The following MGRN1 variants were observed in gnomAD, a reference collection of about 807,000 sequenced individuals.
MGRN1 encodes the protein E3 ubiquitin-protein ligase MGRN1.
In MGRN1, 29 loss-of-function variants were observed where a neutral mutation model predicts 69.2. The observed-to-expected ratio is 0.42, with a 90% CI of 0.31 to 0.57. MGRN1 has a LOEUF of 0.57. Ranked by LOEUF, MGRN1 falls within the 20% of genes least tolerant of loss-of-function variation. The probability of loss-of-function intolerance (pLI) is 0.15; values close to 1 mark genes in which losing one functional copy is unlikely to be tolerated. For synonymous variants in MGRN1, 470 were observed against 344.2 expected (o/e 1.37, Z -4.04); for missense variants, 998 against 796.2 (o/e 1.25, Z -3.05).
chr16:4,652,935 C>T (rs1188496330), intron 4 of MGRN1, 111 bp downstream of exon 4: 78 of 1,345,200 alleles, frequency 5.8e-5, no homozygotes, highest in Non-Finnish European at 7.6e-5. Context: ...TGCTCTTTGA[C>T]CATACTCCCA....
intron 1 of MGRN1, among the ~76,000 whole-genome samples, chr16:4,633,109 C>T (rs914732757): frequency 5.3e-5 from 8 of 151,790 alleles, no homozygotes; most frequent in South Asian, 2.1e-4. Context: ...AAAATTTGGC[C>T]GGGTGCAGTG....
intron 8 of MGRN1, 73 bp from the exon 9 acceptor site, chr16:4,671,318 A>G (rs781699041): frequency 7.3e-5 from 106 of 1,458,136 alleles, no homozygotes; most frequent in Non-Finnish European, 9.7e-5. Flanking sequence ...AGGCAGGGCT[A>G]GGCCAGGTGG....
intron 10 of MGRN1, 68 bp downstream of exon 10, chr16:4,673,725 C>T (rs2078992267): frequency 6.4e-7 from 1 of 1,568,494 alleles, no homozygotes; most frequent in African/African-American, 1.3e-5. Flanking sequence ...CCACGGTGGT[C>T]CTGGGATAGG....
chr16:4,648,493 T>C (rs2078325982), intron 1 of MGRN1, among the ~76,000 whole-genome samples: 1 of 115,488 alleles, frequency 8.7e-6, no homozygotes, highest in Non-Finnish European at 1.7e-5. Context: ...CCGGGGGCTC[T>C]TCCCGTGGTC....
intron 16 of MGRN1, chr16:4,686,699 G>A (rs2079327446): frequency 6.8e-6 from 7 of 1,030,398 alleles, no homozygotes; most frequent in Non-Finnish European, 8.1e-6. Context: ...GGAACCCCAG[G>A]GAGACATGGG....
chr16:4,658,290 C>G (rs1213671899), intron 5 of MGRN1, among the ~76,000 whole-genome samples: 3 of 151,628 alleles, frequency 2.0e-5, no homozygotes, highest in African/African-American at 7.3e-5. Flanking sequence ...AATCCCAGCA[C>G]TTTGGGAGGC....
At chr16:4,626,537 C>T (rs1897688537) in intron 1 of MGRN1, among the ~76,000 whole-genome samples, 1 of 152,132 alleles carries the variant, frequency 6.6e-6, no homozygotes, top group Non-Finnish European at 1.5e-5. Flanking sequence ...TCAGAAGTCC[C>T]CAAATGGTAG....
chr16:4,679,986 C>A, intron 11 of MGRN1, 46 bp from the exon 12 acceptor site: 3 of 1,573,182 alleles, frequency 1.9e-6, no homozygotes, highest in Non-Finnish European at 1.7e-6. Flanking sequence ...ACTCCAGGGC[C>A]GCGTGGGGGT....
chr16:4,683,831 C>T lies in MGRN1; in HGVS notation c.1529-12C>T. ...CTGCCTGTAGGTCCCTAACCTCACC[C>T]TCTGCCTGCAGGGACCCGAGCAGCT... On this transcript the variant is annotated splice_polypyrimidine_tract_variant and intron_variant, in intron 15 of 16. Transcript: ENST00000262370. 1 of 1,611,640 alleles carries T rather than the reference C, an allele frequency of 6.2e-7. No homozygotes were observed. The highest frequency in any genetic ancestry group is 2.2e-5 in the East Asian group (1 of 44,810).
At chr16:4,678,703 C>T (rs541750923) in intron 11 of MGRN1, among the ~76,000 whole-genome samples, 5 of 152,334 alleles carry the variant, frequency 3.3e-5, no homozygotes, top group South Asian at 2.1e-4. Flanking sequence ...CCACTGGCCA[C>T]GCGCATTGTC....
chr16:4,679,989 G>A lies in MGRN1; in HGVS notation c.1066-43G>A, dbSNP rs113843211. ...CCTGTCCAGCCCACTCCAGGGCCGC[G>A]TGGGGGTGGTAGTTGTAAAACATAT... On this transcript the variant is annotated intron_variant, in intron 11 of 16. Transcript: ENST00000262370. 595 of 1,592,972 alleles carry A rather than the reference G, an allele frequency of 3.7e-4. 4 individuals carry two copies. In the African/African-American group the frequency reaches 6.7e-3, roughly 18 times the overall value.
At chr16:4,638,038 C>T (rs575328556) in intron 1 of MGRN1, among the ~76,000 whole-genome samples, 8 of 152,234 alleles carry the variant, frequency 5.3e-5, no homozygotes, top group African/African-American at 1.2e-4. Context: ...TATGGTATCA[C>T]GTTTACATAT....
intron 16 of MGRN1, chr16:4,687,614 A>G (rs1034081562): frequency 6.3e-5 from 37 of 586,344 alleles, no homozygotes; most frequent in Admixed American, 1.1e-4. Context: ...CACACGGGGG[A>G]GAGAGAGAAG....
chr16:4,653,198 G>A (rs758355732), intron 4 of MGRN1, among the ~76,000 whole-genome samples: 2 of 152,200 alleles, frequency 1.3e-5, no homozygotes, highest in Non-Finnish European at 2.9e-5. Flanking sequence ...GGCTTGATGA[G>A]TTGCTAGTGT....
rs2079216466 is a variant in MGRN1 at position 4,682,722 on chromosome 16, G to A, written c.1359-101G>A. ...GAGTGTCCTTGCGTGGGTCCTGGCA[G>A]GCGTGTGCAGGGGCCCCCAGGTGCC... On this transcript the variant is annotated intron_variant, in intron 13 of 16. Transcript: ENST00000262370. 17 of 1,336,222 alleles carry A rather than the reference G, an allele frequency of 1.3e-5. No homozygotes were observed. In the South Asian group the frequency reaches 2.8e-4, roughly 22 times the overall value. 82.8% of individuals were successfully genotyped at this position (1,336,222 alleles called of 1,614,324 possible).
intron 16 of MGRN1, chr16:4,686,814 C>G: frequency 1.0e-6 from 1 of 987,572 alleles, no homozygotes; most frequent in Non-Finnish European, 1.2e-6. Context: ...CTCAGCAGGT[C>G]CACTCCCGTG....
intron 1 of MGRN1, among the ~76,000 whole-genome samples, chr16:4,630,138 G>C (rs1481678686): frequency 1.3e-5 from 2 of 151,186 alleles, no homozygotes; most frequent in Admixed American, 6.6e-5. Flanking sequence ...GATTGCCTGA[G>C]CTCAGGAGTT....
At chr16:4,641,561 C>G (rs1341539032) in intron 1 of MGRN1, among the ~76,000 whole-genome samples, 2 of 150,024 alleles carry the variant, frequency 1.3e-5, no homozygotes, top group Non-Finnish European at 3.0e-5. Flanking sequence ...CTTGTTGCCC[C>G]AGGCTGGAGT....
intron 13 of MGRN1, among the ~76,000 whole-genome samples, chr16:4,682,345 CT>C (rs2079205118): frequency 6.6e-6 from 1 of 152,254 alleles, no homozygotes; most frequent in Admixed American, 6.5e-5. Context: ...CGTGGTTCCC[CT>C]GGAGCCTTGC....
Sources: gnomAD v4.1 joint callset for allele counts (sites outside exome capture counted in the v4.1 genomes callset) on GRCh38, gnomAD v4.1.1 for gene constraint, MANE v1.5 for transcripts, NCBI Gene and HGNC (gene_info 2026-07-23, HGNC 2026-07-21) for gene names.